The following FOXP1 variants were observed in gnomAD, a reference collection of about 807,000 sequenced individuals.
The protein encoded by FOXP1 is forkhead box protein P1.
In FOXP1, 15 loss-of-function variants were observed where a neutral mutation model predicts 98.2. The ratio of observed to expected loss-of-function variants is 0.15; its 90% CI spans 0.10 to 0.24. The LOEUF (loss-of-function observed/expected upper bound fraction) is 0.24. Ranked by LOEUF, FOXP1 falls within the 10% of genes least tolerant of loss-of-function variation. FOXP1 has a pLI of 1.00. For synonymous variants in FOXP1, 371 were observed against 314.5 expected (o/e 1.18, Z -1.90); for missense variants, 633 against 848.5 (o/e 0.75, Z 3.15).
intron 20 of FOXP1, among the ~76,000 whole-genome samples, chr3:70,962,122 TTTTAAATA>T (rs2033685315): frequency 6.6e-6 from 1 of 152,232 alleles, no homozygotes; most frequent in South Asian, 2.1e-4. Context: ...GAGGTCATAT[TTTTAAATA>T]TTGTAAATTC....
At chr3:71,450,942 T>G (rs1407057695) in intron 3 of FOXP1, among the ~76,000 whole-genome samples, 2 of 152,224 alleles carry the variant, frequency 1.3e-5, no homozygotes, top group African/African-American at 4.8e-5. Flanking sequence ...TGAATAAAAC[T>G]TTATGGCACT....
intron 13 of FOXP1, among the ~76,000 whole-genome samples, chr3:70,999,103 T>G (rs988630037): frequency 6.6e-6 from 1 of 152,198 alleles, no homozygotes; most frequent in Non-Finnish European, 1.5e-5. Flanking sequence ...TTTCTCTTTT[T>G]TTTTGAGATG....
chr3:71,176,373 C>T (rs2061938407), intron 6 of FOXP1, among the ~76,000 whole-genome samples: 1 of 152,178 alleles, frequency 6.6e-6, no homozygotes, highest in African/African-American at 2.4e-5. Context: ...TATGTGCAGC[C>T]TTATTAATAA....
intron 7 of FOXP1, among the ~76,000 whole-genome samples, chr3:71,090,191 A>G (rs974818819): frequency 6.6e-6 from 1 of 152,206 alleles, no homozygotes; most frequent in African/African-American, 2.4e-5. Flanking sequence ...CCTTGCTCCC[A>G]TCATAAAACA....
chr3:71,501,903 G>A (rs1189020407), intron 2 of FOXP1, among the ~76,000 whole-genome samples: 1 of 152,140 alleles, frequency 6.6e-6, no homozygotes, highest in African/African-American at 2.4e-5. Context: ...TCCTGTTCAA[G>A]CTCTTTGGTT....
chr3:71,583,119 C>T (rs1056209554), intron 1 of FOXP1, among the ~76,000 whole-genome samples: 6 of 151,938 alleles, frequency 3.9e-5, no homozygotes, highest in Non-Finnish European at 5.9e-5. Context: ...CGCCGGACAT[C>T]GAAAGTTGCG....
chr3:71,076,617 A>C (rs1485847624), intron 7 of FOXP1, among the ~76,000 whole-genome samples: 1 of 152,232 alleles, frequency 6.6e-6, no homozygotes, highest in Non-Finnish European at 1.5e-5. Context: ...GGTGATTATA[A>C]TTCATGCTCC....
At chr3:71,348,522 C>CGCGT (rs1553853164) in intron 4 of FOXP1, among the ~76,000 whole-genome samples, 1 of 69,924 alleles carries the variant, frequency 1.4e-5, no homozygotes, top group Non-Finnish European at 3.7e-5. Flanking sequence ...TGTGTGTGTG[C>CGCGT]GTGTGTGTGT....
intron 7 of FOXP1, among the ~76,000 whole-genome samples, chr3:71,063,626 A>AC (rs1553718720): frequency 6.6e-6 from 1 of 151,998 alleles, no homozygotes; most frequent in Non-Finnish European, 1.5e-5. Context: ...AATGTAACTT[A>AC]TTTTTTTTCT....
intron 4 of FOXP1, among the ~76,000 whole-genome samples, chr3:71,354,812 A>C (rs1381075514): frequency 6.6e-6 from 1 of 152,182 alleles, no homozygotes; most frequent in Non-Finnish European, 1.5e-5. Flanking sequence ...CATCTAATTT[A>C]ATCCTCGCAA....
At chr3:71,412,817 T>G (rs564206429) in intron 3 of FOXP1, among the ~76,000 whole-genome samples, 2 of 152,264 alleles carry the variant, frequency 1.3e-5, no homozygotes, top group South Asian at 2.1e-4. Context: ...ATGCATATAT[T>G]TTTTTAAAAA....
chr3:71,013,643 G>T (rs563771127), intron 12 of FOXP1, among the ~76,000 whole-genome samples: 1 of 151,870 alleles, frequency 6.6e-6, no homozygotes, highest in Non-Finnish European at 1.5e-5. Context: ...GAATTGGAAA[G>T]AACTACTTTA....
At chr3:71,222,542 C>T (rs543545834) in intron 5 of FOXP1, among the ~76,000 whole-genome samples, 79 of 152,272 alleles carry the variant, frequency 5.2e-4, no homozygotes, top group African/African-American at 1.8e-3. Flanking sequence ...CCTTAGCCTC[C>T]AGAGTAGCTG....
rs2048176793 is a variant in FOXP1, at chr3:71,581,625, G to A, written c.-374C>T. 1 of 985,746 alleles carries A rather than the reference G, an allele frequency of 1.0e-6. No homozygotes were observed. Among genetic ancestry groups the A allele is most frequent in the Non-Finnish European group, 1.2e-6 (1 of 829,992 alleles). The allele number at this position is 985,746 out of a possible 1,614,324, so 61.1% of individuals were successfully genotyped here. On this transcript the variant is annotated 5_prime_UTR_variant, in exon 2 of 21. Coordinates refer to ENST00000649528, the MANE Select transcript of FOXP1 (RefSeq NM_001349338.3). The stretch of plus-strand genomic sequence containing the variant: ...GGCGCCGGCAGCACCATGGTCCCCG[G>A]CGCCGCTGCCGCTGCCCCCGGCCCG...
chr3:70,972,691 A>C lies in FOXP1; in HGVS notation c.1531-15T>G. On this transcript the variant is annotated splice_polypyrimidine_tract_variant and intron_variant, in intron 17 of 20. Coordinates refer to ENST00000649528, the MANE Select transcript of FOXP1 (RefSeq NM_001349338.3). ...CGCACTGCATTCTGCAGCAAGTATA[A>C]AAGAGAGAACATTTACATTTTCTAT... 1 of 1,613,678 alleles carries C rather than the reference A, an allele frequency of 6.2e-7. No individual in the cohort carries two copies. The highest frequency in any genetic ancestry group is 8.5e-7 in the Non-Finnish European group (1 of 1,179,668).
chr3:71,328,200 C>T (rs1204758258), intron 4 of FOXP1, among the ~76,000 whole-genome samples: 5 of 152,028 alleles, frequency 3.3e-5, no homozygotes, highest in Admixed American at 2.6e-4. Flanking sequence ...GAGGCTGAGG[C>T]GGGCAGATGG....
intron 3 of FOXP1, among the ~76,000 whole-genome samples, chr3:71,442,508 C>T (rs1019508607): frequency 3.9e-5 from 6 of 152,112 alleles, no homozygotes; most frequent in Admixed American, 3.3e-4. Flanking sequence ...TCATGCAAGT[C>T]TCGCGCAGTG....
chr3:71,131,051 GAA>G, intron 6 of FOXP1: 6 of 346,090 alleles, frequency 1.7e-5, no homozygotes, highest in Non-Finnish European at 2.4e-5. Flanking sequence ...TGCTTTAAAA[GAA>G]AAAAAAAAGA....
At chr3:71,082,286 GA>G (rs75431341) in intron 7 of FOXP1, among the ~76,000 whole-genome samples, 2,241 of 84,536 alleles carry the variant, frequency 0.027, 15 homozygotes, top group Non-Finnish European at 0.03. Context: ...TTAAAAAAAA[GA>G]AAAAAAAAAA....
Sources: gnomAD v4.1 joint callset for allele counts (sites outside exome capture counted in the v4.1 genomes callset) on GRCh38, gnomAD v4.1.1 for gene constraint, MANE v1.5 for transcripts, NCBI Gene and HGNC (gene_info 2026-07-23, HGNC 2026-07-21) for gene names.